The following ELMO1 variants were observed in gnomAD, a reference collection of about 807,000 sequenced individuals.
The protein encoded by ELMO1 is engulfment and cell motility 1.
Under a neutral mutation model 98.9 loss-of-function variants are expected in ELMO1, and 26 were observed. The ratio of observed to expected loss-of-function variants is 0.26; its 90% CI spans 0.19 to 0.36. The LOEUF is 0.36. Ranked by LOEUF, ELMO1 falls within the 10% of genes least tolerant of loss-of-function variation. The pLI is 1.00. For synonymous variants in ELMO1, 346 were observed against 346.0 expected, an observed-to-expected ratio of 1.00 and a Z score of 0.00; for missense variants, 627 against 935.2, an observed-to-expected ratio of 0.67 and a Z score of 4.30.
intron 15 of ELMO1, among the ~76,000 whole-genome samples, chr7:37,068,772 G>A (rs1797117300): frequency 6.6e-6 from 1 of 152,026 alleles, no homozygotes; most frequent in Non-Finnish European, 1.5e-5. Flanking sequence ...ACAGCTTGAG[G>A]GATTCCTACA....
chr7:37,034,637 A>G (rs994300165), intron 15 of ELMO1, among the ~76,000 whole-genome samples: 1 of 152,196 alleles, frequency 6.6e-6, no homozygotes, highest in African/African-American at 2.4e-5. Flanking sequence ...ATTACAATAA[A>G]GTAAACCAGA....
intron 5 of ELMO1, among the ~76,000 whole-genome samples, chr7:37,269,093 T>C (rs1796422165): frequency 6.6e-6 from 1 of 152,262 alleles, no homozygotes; most frequent in Non-Finnish European, 1.5e-5. Flanking sequence ...TTGTTGTTTT[T>C]AACATATTTT....
intron 17 of ELMO1, among the ~76,000 whole-genome samples, chr7:36,892,565 G>T (rs1391027497): frequency 6.6e-6 from 1 of 152,166 alleles, no homozygotes; most frequent in Non-Finnish European, 1.5e-5. Context: ...ATGAAAAAAT[G>T]AATGAAAACA....
At chr7:37,182,158 C>T (rs563980308) in intron 13 of ELMO1, among the ~76,000 whole-genome samples, 4 of 152,200 alleles carry the variant, frequency 2.6e-5, no homozygotes, top group Non-Finnish European at 5.9e-5. Flanking sequence ...AGTCCAAAGG[C>T]ATGGGAAGGT....
intron 1 of ELMO1, among the ~76,000 whole-genome samples, chr7:37,448,180 A>G (rs1438689110): frequency 6.6e-6 from 1 of 150,808 alleles, no homozygotes; most frequent in East Asian, 2.0e-4. Flanking sequence ...CCCCGAGTGC[A>G]GGAGAAGACG....
At position 37,314,956 on chromosome 7, in the gene ELMO1, T is replaced by G. The variant is rs754728056; in HGVS notation, c.120-34A>C. On this transcript the variant is annotated intron_variant, in intron 3 of 21. Coordinates refer to ENST00000310758, the MANE Select transcript of ELMO1 (RefSeq NM_014800.11). Reference sequence around the variant, plus strand: ...TACAAGCGTATACTGATTAGAAAAATGAAAGTGGCCATTTTCATTTTTACA... The same window carrying G: ...TACAAGCGTATACTGATTAGAAAAAGGAAAGTGGCCATTTTCATTTTTACA... The G allele has an allele frequency of 3.8e-6, 6 of 1,585,822 alleles. No individual in the cohort carries two copies. In the South Asian group the frequency reaches 6.9e-5, roughly 18 times the overall value.
intron 16 of ELMO1, among the ~76,000 whole-genome samples, chr7:36,929,176 T>C (rs1360842601): frequency 6.6e-6 from 1 of 152,134 alleles, no homozygotes. Flanking sequence ...AGCTACAGAT[T>C]GGGGTATGGA....
At chr7:36,861,438 C>T (rs117950694) in intron 21 of ELMO1, among the ~76,000 whole-genome samples, 6,675 of 152,110 alleles carry the variant, frequency 0.044, 233 homozygotes, top group Non-Finnish European at 0.057. Context: ...CTTTTACATC[C>T]TTTTTCTTTA....
chr7:37,002,359 G>A (rs1223575444), intron 16 of ELMO1, among the ~76,000 whole-genome samples: 2 of 152,224 alleles, frequency 1.3e-5, no homozygotes, highest in Admixed American at 6.5e-5. Flanking sequence ...ATGAGGTCAT[G>A]GCAAGGATTT....
chr7:37,002,061 C>T (rs1792711110), intron 16 of ELMO1: 1 of 152,206 alleles, frequency 6.6e-6, no homozygotes, highest in African/African-American at 2.4e-5. Context: ...AAGTTATTCT[C>T]ACATTCACAG....
chr7:36,900,689 T>C (rs1043444558), intron 16 of ELMO1, among the ~76,000 whole-genome samples: 1 of 152,122 alleles, frequency 6.6e-6, no homozygotes, highest in Non-Finnish European at 1.5e-5. Flanking sequence ...GGGTGGTCAA[T>C]ACTTACAAAA....
chr7:36,956,051 C>T (rs1479745372), intron 16 of ELMO1, among the ~76,000 whole-genome samples: 2 of 152,124 alleles, frequency 1.3e-5, no homozygotes, highest in East Asian at 1.9e-4. Flanking sequence ...AACACAGTGT[C>T]GTGATGCAAA....
intron 4 of ELMO1, among the ~76,000 whole-genome samples, chr7:37,287,118 G>A (rs918314450): frequency 8.6e-5 from 13 of 151,806 alleles, no homozygotes; most frequent in African/African-American, 1.7e-4. Flanking sequence ...GCTTGAACCC[G>A]GGAGGTGGAG....
intron 1 of ELMO1, among the ~76,000 whole-genome samples, chr7:37,386,642 G>A (rs541097196): frequency 2.0e-5 from 3 of 152,100 alleles, no homozygotes; most frequent in African/African-American, 2.4e-5. Context: ...GGTAAGTAAA[G>A]ATTCAGGGTC....
intron 1 of ELMO1, among the ~76,000 whole-genome samples, chr7:37,424,552 G>A (rs374483990): frequency 1.2e-4 from 19 of 152,240 alleles, no homozygotes; most frequent in African/African-American, 4.6e-4. Context: ...ATTAGCAATT[G>A]GGCTAGGCCT....
chr7:37,406,207 ATGGTACAAGTGAAAAATCTGCAGT>A (rs1312901487), intron 1 of ELMO1, among the ~76,000 whole-genome samples: 3 of 151,762 alleles, frequency 2.0e-5, no homozygotes, highest in African/African-American at 7.3e-5. Flanking sequence ...GAAAATAAAG[ATGGTACAAGTGAAAAATCTGCAGT>A]TGGTGCAAGG....
chr7:37,209,833 A>G (rs1019381728), intron 13 of ELMO1, among the ~76,000 whole-genome samples: 6 of 152,204 alleles, frequency 3.9e-5, no homozygotes, highest in African/African-American at 7.2e-5. Context: ...ACCAGTCATG[A>G]CATTTTTTGC....
chr7:37,353,276 C>A (rs1428073284), intron 1 of ELMO1: 1 of 152,212 alleles, frequency 6.6e-6, no homozygotes, highest in Admixed American at 6.5e-5. Flanking sequence ...AATGAAGCAG[C>A]GAACTGTCGC....
chr7:36,966,031 A>C (rs1028016716), intron 16 of ELMO1, among the ~76,000 whole-genome samples: 1 of 152,216 alleles, frequency 6.6e-6, no homozygotes, highest in Non-Finnish European at 1.5e-5. Flanking sequence ...AACTCTGCCA[A>C]ATCATCTCAG....
Sources: allele counts gnomAD v4.1 joint callset (sites outside exome capture counted in the v4.1 genomes callset), GRCh38; gene constraint gnomAD v4.1.1; transcripts MANE v1.5; gene names NCBI Gene and HGNC (gene_info 2026-07-23, HGNC 2026-07-21).